Variants in PLXDC2 observed in about 807,000 individuals in gnomAD.
PLXDC2 encodes plexin domain containing 2.
PLXDC2 carries 40 observed loss-of-function variants against 68.9 expected under a neutral mutation model. The observed-to-expected ratio is 0.58, with a 90% CI of 0.45 to 0.76. The LOEUF (loss-of-function observed/expected upper bound fraction) is 0.76, where lower values mean the gene tolerates loss of function less well. Among genes scored for constraint, PLXDC2 ranks in the 30% least tolerant of loss-of-function variants. The probability of loss-of-function intolerance (pLI) is 0.00; values close to 1 mark genes in which losing one functional copy is unlikely to be tolerated. For synonymous variants in PLXDC2, 243 were observed against 234.2 expected (o/e 1.04, Z -0.34); for missense variants, 644 against 661.9 (o/e 0.97, Z 0.30).
intron 1 of PLXDC2, among the ~76,000 whole-genome samples, chr10:19,988,141 C>T (rs555975088): frequency 1.3e-5 from 2 of 151,276 alleles, no homozygotes; most frequent in Non-Finnish European, 3.0e-5. Flanking sequence ...GTCACATGAG[C>T]TTACTATCCT....
At chr10:19,976,077 C>T (rs1288041747) in intron 1 of PLXDC2, among the ~76,000 whole-genome samples, 4 of 152,184 alleles carry the variant, frequency 2.6e-5, no homozygotes, top group African/African-American at 9.7e-5. Context: ...TATCCCCATG[C>T]AAAGTTGGCT....
chr10:19,856,524 C>G (rs1837217873), intron 1 of PLXDC2, among the ~76,000 whole-genome samples: 1 of 152,130 alleles, frequency 6.6e-6, no homozygotes, highest in Non-Finnish European at 1.5e-5. Context: ...TGAGAACTTT[C>G]TCCAAAAAGT....
At chr10:20,206,626 A>G (rs1051774833) in intron 9 of PLXDC2, among the ~76,000 whole-genome samples, 8 of 152,106 alleles carry the variant, frequency 5.3e-5, no homozygotes, top group African/African-American at 1.7e-4. Context: ...AATATATTGT[A>G]GAGGAGGTCA....
intron 1 of PLXDC2, among the ~76,000 whole-genome samples, chr10:19,955,817 C>T (rs1051657246): frequency 2.0e-5 from 3 of 152,172 alleles, no homozygotes; most frequent in Non-Finnish European, 4.4e-5. Context: ...TGGTGGCTCA[C>T]GCCTGTAATT....
At chr10:20,034,738 A>G (rs1019464109) in intron 2 of PLXDC2, among the ~76,000 whole-genome samples, 8 of 152,200 alleles carry the variant, frequency 5.3e-5, no homozygotes, top group Non-Finnish European at 1.0e-4. Context: ...GATTACATAT[A>G]TGACAGTGAT....
At chr10:19,996,509 C>T (rs61841767) in intron 1 of PLXDC2, among the ~76,000 whole-genome samples, 37,746 of 151,954 alleles carry the variant, frequency 0.25, 5,041 homozygotes, top group East Asian at 0.5. Context: ...TCACTTGAGC[C>T]CAGGGATTTG....
intron 12 of PLXDC2, among the ~76,000 whole-genome samples, chr10:20,222,219 G>T (rs925075637): frequency 6.6e-6 from 1 of 152,172 alleles, no homozygotes; most frequent in Admixed American, 6.5e-5. Flanking sequence ...CTTTCTCTCT[G>T]AGTGTTTCTG....
chr10:19,849,155 T>A (rs1837068272), intron 1 of PLXDC2, among the ~76,000 whole-genome samples: 1 of 152,124 alleles, frequency 6.6e-6, no homozygotes, highest in Non-Finnish European at 1.5e-5. Flanking sequence ...AAGAATAGTA[T>A]TTTTATTACA....
intron 1 of PLXDC2, among the ~76,000 whole-genome samples, chr10:19,990,496 G>T (rs1589573301): frequency 1.9e-5 from 1 of 52,758 alleles, no homozygotes; most frequent in South Asian, 9.1e-4. Context: ...AAGAAAAAGA[G>T]AAGCCGCTGG....
At chr10:20,200,916 T>C (rs541917664) in intron 9 of PLXDC2, among the ~76,000 whole-genome samples, 1 of 152,168 alleles carries the variant, frequency 6.6e-6, no homozygotes, top group South Asian at 2.1e-4. Flanking sequence ...AAGGGAACTT[T>C]TATGCACTGT....
intron 1 of PLXDC2, among the ~76,000 whole-genome samples, chr10:19,986,220 A>C (rs1484707660): frequency 6.6e-6 from 1 of 152,204 alleles, no homozygotes; most frequent in Non-Finnish European, 1.5e-5. Context: ...TAAACGTATT[A>C]TGAACTAGTG....
chr10:20,051,395 AATATATATATATATATAT>A (rs57093355), intron 3 of PLXDC2, among the ~76,000 whole-genome samples: 7,870 of 118,380 alleles, frequency 0.066, 408 homozygotes, highest in Middle Eastern at 0.1. Context: ...ATAAAGGTTA[AATATATATATATATATAT>A]ATATATATAT....
chr10:19,939,575 T>C (rs1460520959), intron 1 of PLXDC2, among the ~76,000 whole-genome samples: 1 of 152,210 alleles, frequency 6.6e-6, no homozygotes, highest in Non-Finnish European at 1.5e-5. Flanking sequence ...CCAAGTTATA[T>C]GCAAGATTTT....
rs773174226 is a variant in PLXDC2 at position 20,046,894 on chromosome 10, T to A, written c.350T>A (p.Ile117Lys). 6.2e-7 allele frequency: 1 copy of A among 1,611,996 alleles called. No homozygotes were observed. Among genetic ancestry groups the A allele is most frequent in the African/African-American group, 1.3e-5 (1 of 74,962 alleles). ...GAGGATACAGACCACAATTACTATA[T>A]ATCTCGAATATATGGTCCATCTGAT... ...IEEDTDHNYY[I>K]SRIYGPSDSA... is the part of the protein sequence containing the mutation. The change falls in exon 3 of 14, where the codon ATA becomes AAA. Residue 117 changes from isoleucine to lysine, a missense_variant. By Grantham distance (102) the Ile-to-Lys change is moderately radical. Transcript: ENST00000377252.
chr10:20,204,048 C>A (rs1010651116), intron 9 of PLXDC2, among the ~76,000 whole-genome samples: 16 of 151,924 alleles, frequency 1.1e-4, no homozygotes, highest in Non-Finnish European at 2.1e-4. Context: ...ATTCCCAGAG[C>A]AGTATATAAT....
chr10:19,898,161 C>T (rs1364735342), intron 1 of PLXDC2, among the ~76,000 whole-genome samples: 10 of 151,998 alleles, frequency 6.6e-5, no homozygotes. Context: ...AAGAGGGAAG[C>T]TAGTTTATTT....
rs1252780948 is a variant in PLXDC2, at chr10:20,285,409, A to G, written c.*5590A>G. Reference sequence around the variant, plus strand: ...GGCATGTAACCGATCATTATAATACAATAACATCCCTAAACCAGACTTTAC... The same window carrying G: ...GGCATGTAACCGATCATTATAATACGATAACATCCCTAAACCAGACTTTAC... On this transcript the variant is annotated 3_prime_UTR_variant, in exon 14 of 14. Transcript: ENST00000377252. 3 of 152,208 alleles carry G rather than the reference A, an allele frequency of 2.0e-5. No homozygotes were observed. The highest frequency in any genetic ancestry group is 2.9e-5 in the Non-Finnish European group (2 of 68,030). 9.4% of individuals were successfully genotyped at this position (152,208 alleles called of 1,614,324 possible).
intron 1 of PLXDC2, among the ~76,000 whole-genome samples, chr10:19,924,809 T>G (rs1179967925): frequency 6.6e-6 from 1 of 152,152 alleles, no homozygotes; most frequent in East Asian, 1.9e-4. Flanking sequence ...AAATAGATAT[T>G]GGTGTCTGTG....
intron 2 of PLXDC2, among the ~76,000 whole-genome samples, chr10:20,018,140 G>C (rs1231253245): frequency 6.6e-6 from 1 of 152,142 alleles, no homozygotes; most frequent in Non-Finnish European, 1.5e-5. Context: ...TATTTCTACA[G>C]GGCCATCTCT....
Sources: gnomAD v4.1 joint callset for allele counts (sites outside exome capture counted in the v4.1 genomes callset) on GRCh38, gnomAD v4.1.1 for gene constraint, MANE v1.5 for transcripts, NCBI Gene and HGNC (gene_info 2026-07-23, HGNC 2026-07-21) for gene names.